EFHC1: variants seen among roughly 807,000 people sequenced by gnomAD.
EFHC1 encodes the protein EF-hand domain containing 1.
Under a neutral mutation model 69.9 loss-of-function variants are expected in EFHC1, and 53 were observed. The observed-to-expected ratio is 0.76, with a 90% CI of 0.61 to 0.95. EFHC1 has a LOEUF of 0.95. Among genes scored for constraint, EFHC1 ranks in the 40% least tolerant of loss-of-function variants. The pLI, the probability that EFHC1 is intolerant of heterozygous loss-of-function variation, is 0.00. For synonymous variants in EFHC1, 256 were observed against 278.4 expected (o/e 0.92, Z 0.80); for missense variants, 739 against 798.7 (o/e 0.93, Z 0.90).
At chr6:52,492,171 T>A in intron 10 of EFHC1, 99 bp from the exon 11 acceptor site, 1 of 1,092,456 alleles carries the variant, frequency 9.2e-7, no homozygotes, top group Admixed American at 1.8e-5. Flanking sequence ...TGAACTGATT[T>A]ACAAAGGCTC....
intron 7 of EFHC1, among the ~76,000 whole-genome samples, chr6:52,471,948 G>A (rs888970092): frequency 2.6e-5 from 4 of 151,008 alleles, no homozygotes; most frequent in Non-Finnish European, 5.9e-5. Context: ...CCATGTTTAA[G>A]GAGATAAAGA....
chr6:52,420,916 C>T, intron 1 of EFHC1: 1 of 785,636 alleles, frequency 1.3e-6, no homozygotes, highest in South Asian at 2.5e-5. Flanking sequence ...TAAAACCCCC[C>T]GCCACTATGC....
intron 9 of EFHC1, chr6:52,486,383 A>G (rs111466567): frequency 3.9e-5 from 6 of 152,188 alleles, no homozygotes; most frequent in African/African-American, 1.4e-4. Flanking sequence ...CCTACCTTCC[A>G]CAGGAAATCC....
chr6:52,480,084 AATAGCCT>A, intron 9 of EFHC1: 1 of 592,204 alleles, frequency 1.7e-6, no homozygotes. Flanking sequence ...CTTAACTACT[AATAGCCT>A]ACTCTTGACT....
At chr6:52,443,066 TTGGCTGCATAAA>T (rs1160907122) in intron 3 of EFHC1, among the ~76,000 whole-genome samples, 4 of 152,254 alleles carry the variant, frequency 2.6e-5, no homozygotes, top group Non-Finnish European at 4.4e-5. Flanking sequence ...CACGTATCTG[TTGGCTGCATAAA>T]TGTCTTCTTT....
intron 2 of EFHC1, among the ~76,000 whole-genome samples, chr6:52,431,306 T>C (rs535163404): frequency 1.3e-5 from 2 of 152,258 alleles, no homozygotes; most frequent in African/African-American, 4.8e-5. Context: ...TGTCTGTTAG[T>C]GCTCTTTCAG....
intron 5 of EFHC1, among the ~76,000 whole-genome samples, chr6:52,461,576 A>G (rs907949905): frequency 5.3e-5 from 8 of 152,102 alleles, no homozygotes; most frequent in African/African-American, 1.9e-4. Flanking sequence ...TCCTTTGGAG[A>G]TATACCCAGT....
chr6:52,453,758 T>A (rs1764972857), intron 4 of EFHC1: 1 of 1,243,226 alleles, frequency 8.0e-7, no homozygotes, highest in Non-Finnish European at 1.0e-6. Flanking sequence ...TGTACCTTTA[T>A]TAATATATAT....
intron 2 of EFHC1, among the ~76,000 whole-genome samples, chr6:52,426,898 C>G (rs956928511): frequency 6.6e-6 from 1 of 152,204 alleles, no homozygotes; most frequent in African/African-American, 2.4e-5. Flanking sequence ...ATGCTTATAA[C>G]AGGTATGCTG....
At chr6:52,460,608 C>T (rs1765144154) in intron 5 of EFHC1, among the ~76,000 whole-genome samples, 1 of 152,020 alleles carries the variant, frequency 6.6e-6, no homozygotes, top group African/African-American at 2.4e-5. Context: ...TCGAAAAGAT[C>T]ATGAAAGCAG....
chr6:52,427,847 ATATT>A (rs1200104789), intron 2 of EFHC1, among the ~76,000 whole-genome samples: 2 of 152,160 alleles, frequency 1.3e-5, no homozygotes, highest in Non-Finnish European at 2.9e-5. Flanking sequence ...TGATATGAAA[ATATT>A]TATGCAGCAT....
At chr6:52,445,718 C>T (rs563398293) in intron 3 of EFHC1, among the ~76,000 whole-genome samples, 2 of 152,324 alleles carry the variant, frequency 1.3e-5, no homozygotes, top group African/African-American at 4.8e-5. Context: ...TTTCCTTCTA[C>T]ACACTGCTTT....
rs762508435 is a variant in EFHC1 at position 52,495,053 on chromosome 6, C to T, written c.*2712C>T. ...GCCCAGTGCACCACTCTCAGATGGACGGGACCCAGTCTGTACCTGATCACC... is the reference window on the plus strand; with the variant it reads ...GCCCAGTGCACCACTCTCAGATGGATGGGACCCAGTCTGTACCTGATCACC... On this transcript the variant is annotated 3_prime_UTR_variant, in exon 11 of 11. Transcript: ENST00000371068. 4.0e-5 allele frequency: 18 copies of T among 453,932 alleles called. No individual in the cohort carries two copies. The highest frequency in any genetic ancestry group is 2.0e-4 in the South Asian group (13 of 64,474). The allele number at this position is 453,932 out of a possible 1,614,324, so 28.1% of individuals were successfully genotyped here. A position where few individuals can be genotyped will look rare whatever the true frequency, so the allele number is the denominator to read the frequency against.
At chr6:52,464,113 T>TG (rs1765239615) in intron 5 of EFHC1, among the ~76,000 whole-genome samples, 1 of 152,258 alleles carries the variant, frequency 6.6e-6, no homozygotes, top group African/African-American at 2.4e-5. Context: ...TGATTGACTC[T>TG]TAAGATTTCC....
At chr6:52,480,215 AAG>A (rs1443857788) in intron 9 of EFHC1, 3 of 276,722 alleles carry the variant, frequency 1.1e-5, no homozygotes, top group African/African-American at 2.2e-5. Flanking sequence ...AATAATAAGA[AAG>A]AGAAAATTAT....
At chr6:52,450,834 T>C (rs1336808536) in intron 3 of EFHC1, among the ~76,000 whole-genome samples, 2 of 152,210 alleles carry the variant, frequency 1.3e-5, no homozygotes, top group Admixed American at 6.5e-5. Context: ...AATCTCACTT[T>C]GTCACCCAGG....
At chr6:52,479,287 G>C (rs1236103424) in intron 8 of EFHC1, 37 bp downstream of exon 8, 1 of 1,603,078 alleles carries the variant, frequency 6.2e-7, no homozygotes, top group South Asian at 1.1e-5. Flanking sequence ...CCTACTGGCT[G>C]CCTGAATGAG....
intron 7 of EFHC1, among the ~76,000 whole-genome samples, chr6:52,471,226 G>A (rs1273375652): frequency 6.6e-6 from 1 of 152,202 alleles, no homozygotes; most frequent in Non-Finnish European, 1.5e-5. Context: ...AAGCTCCTGG[G>A]AAACCCTCTG....
chr6:52,479,855 T>C, intron 9 of EFHC1, 68 bp downstream of exon 9: 1 of 1,596,766 alleles, frequency 6.3e-7, no homozygotes. Flanking sequence ...AGAAAACAAA[T>C]GAGTAATCAC....
Sources: allele counts gnomAD v4.1 joint callset (sites outside exome capture counted in the v4.1 genomes callset), GRCh38; gene constraint gnomAD v4.1.1; transcripts MANE v1.5; gene names NCBI Gene and HGNC (gene_info 2026-07-23, HGNC 2026-07-21).